The following KIAA0586 variants were observed in gnomAD, a reference collection of about 807,000 sequenced individuals.
KIAA0586 encodes the protein KIAA0586, also known as protein TALPID3.
A neutral mutation model predicts 169.8 loss-of-function variants in KIAA0586; 144 were observed. The ratio of observed to expected loss-of-function variants is 0.85; its 90% CI spans 0.74 to 0.97. The LOEUF (loss-of-function observed/expected upper bound fraction) is 0.97. Among genes scored for constraint, KIAA0586 ranks in the 50% least tolerant of loss-of-function variants. The probability of loss-of-function intolerance (pLI) is 0.00; values close to 1 mark genes in which losing one functional copy is unlikely to be tolerated. For synonymous variants in KIAA0586, 625 were observed against 612.4 expected (o/e 1.02, Z -0.30); for missense variants, 1,854 against 1,823.0 (o/e 1.02, Z -0.31).
At chr14:58,497,089 T>A (rs762376127) in intron 26 of KIAA0586, among the ~76,000 whole-genome samples, 21 of 151,764 alleles carry the variant, frequency 1.4e-4, no homozygotes, top group Non-Finnish European at 2.5e-4. Context: ...ATTCTTCTGC[T>A]TCAGCCTCTC....
chr14:58,461,271 A>G (rs1402654153), intron 14 of KIAA0586, 111 bp downstream of exon 14: 3 of 648,624 alleles, frequency 4.6e-6, no homozygotes, highest in African/African-American at 1.9e-5. Flanking sequence ...TTCAAGTTAT[A>G]TGATGCTTGG....
chr14:58,478,945 C>G (rs2041848987), intron 20 of KIAA0586, among the ~76,000 whole-genome samples: 1 of 152,142 alleles, frequency 6.6e-6, no homozygotes. Flanking sequence ...ATTTGTCAAT[C>G]CATTTACCAG....
intron 29 of KIAA0586, chr14:58,539,825 C>T (rs1024635771): frequency 1.7e-5 from 5 of 287,844 alleles, no homozygotes; most frequent in Non-Finnish European, 2.5e-5. Flanking sequence ...CCTTTGCTTC[C>T]CCCCCCCATC....
chr14:58,508,616 G>A lies in KIAA0586; in HGVS notation c.4230G>A (p.Leu1410=), dbSNP rs1364755506. 6.3e-7 allele frequency: 1 copy of A among 1,597,896 alleles called. No individual in the cohort carries two copies. Among genetic ancestry groups the A allele is most frequent in the Admixed American group, 1.7e-5 (1 of 57,886 alleles). The change falls in exon 28 of 31, where the codon TTG becomes TTA. Residue 1410 remains leucine, a synonymous_variant. Transcript: ENST00000652326. ...HGPMSLGELE[L]EPNSKLVLPT... ...CAATGAGTTTGGGAGAATTGGAGTT[G>A]GAGCCAAATTCTAAGCTGGTTCTTC... is the stretch of plus-strand genomic sequence containing the variant.
intron 30 of KIAA0586, among the ~76,000 whole-genome samples, chr14:58,546,280 C>T (rs1209049627): frequency 1.3e-5 from 2 of 152,038 alleles, no homozygotes; most frequent in Non-Finnish European, 2.9e-5. Flanking sequence ...AGGAGTGATA[C>T]AGTATTTAAA....
At chr14:58,483,806 C>T (rs183837647) in intron 21 of KIAA0586, among the ~76,000 whole-genome samples, 6 of 152,140 alleles carry the variant, frequency 3.9e-5, no homozygotes, top group Admixed American at 1.3e-4. Flanking sequence ...TCCTATAGAT[C>T]ACAAGGACAT....
intron 26 of KIAA0586, among the ~76,000 whole-genome samples, chr14:58,494,199 TTC>T (rs965911371): frequency 6.6e-6 from 1 of 151,978 alleles, no homozygotes; most frequent in African/African-American, 2.4e-5. Flanking sequence ...CCCTTAAATT[TTC>T]TGTCTTTCTT....
intron 29 of KIAA0586, among the ~76,000 whole-genome samples, chr14:58,519,652 A>T (rs566464896): frequency 3.3e-5 from 5 of 152,224 alleles, no homozygotes; most frequent in Admixed American, 1.3e-4. Flanking sequence ...TCCAGGACTG[A>T]TTATTTAATA....
At chr14:58,465,212 A>C (rs1380870183) in intron 14 of KIAA0586, among the ~76,000 whole-genome samples, 1 of 152,218 alleles carries the variant, frequency 6.6e-6, no homozygotes, top group Non-Finnish European at 1.5e-5. Context: ...CTGTATAATG[A>C]TATTAATTAG....
intron 10 of KIAA0586, among the ~76,000 whole-genome samples, chr14:58,457,554 C>A (rs2039974050): frequency 6.6e-6 from 1 of 152,214 alleles, no homozygotes; most frequent in Non-Finnish European, 1.5e-5. Flanking sequence ...AGGCGTGAGC[C>A]ACCATGCCTG....
chr14:58,510,075 A>G (rs1245855488), intron 28 of KIAA0586, among the ~76,000 whole-genome samples: 1 of 152,222 alleles, frequency 6.6e-6, no homozygotes, highest in Non-Finnish European at 1.5e-5. Flanking sequence ...AAATAAGCAC[A>G]TAAAAAGATT....
chr14:58,506,356 A>G (rs1255659168), intron 27 of KIAA0586, among the ~76,000 whole-genome samples: 1 of 152,172 alleles, frequency 6.6e-6, no homozygotes, highest in Non-Finnish European at 1.5e-5. Context: ...ATTGTTTTAT[A>G]CAGATTTAAT....
At chr14:58,440,641 G>A (rs2038252541) in intron 4 of KIAA0586, among the ~76,000 whole-genome samples, 1 of 152,170 alleles carries the variant, frequency 6.6e-6, no homozygotes, top group Non-Finnish European at 1.5e-5. Context: ...CTACCTGAGT[G>A]ATATTTGTTA....
chr14:58,448,361 C>G lies in KIAA0586; in HGVS notation c.829C>G (p.Leu277Val). The G allele has an allele frequency of 6.3e-7, 1 of 1,597,306 alleles. No homozygotes were observed. The highest frequency in any genetic ancestry group is 1.1e-5 in the South Asian group (1 of 89,780). Residue 277 changes from leucine to valine, a missense_variant, in exon 7 of 31, where the codon CTC becomes GTC. Transcript: ENST00000652326. ...CTAGACTCATTTTATTAGTGCTGCA[C>G]TCAAGACTAGTAGTTTTCAGCCTGT... ...DIQTHFISAA[L>V]KTSSFQPVSM...
chr14:58,494,748 G>T (rs1377394163), intron 26 of KIAA0586, among the ~76,000 whole-genome samples: 1 of 152,138 alleles, frequency 6.6e-6, no homozygotes, highest in Non-Finnish European at 1.5e-5. Flanking sequence ...GCTTGGAGGG[G>T]AAGAAGGTGA....
the KIAA0586 span, among the ~76,000 whole-genome samples, chr14:58,560,817 G>C: frequency 3.9e-5 from 6 of 152,098 alleles, no homozygotes; most frequent in Admixed American, 2.0e-4. Context: ...TCTCCTTTGG[G>C]AGCTAATTTT....
chr14:58,427,483 A>C, upstream of KIAA0586: 1 of 1,064,186 alleles, frequency 9.4e-7, no homozygotes, highest in Non-Finnish European at 1.4e-6. Flanking sequence ...GAGCTCTTCA[A>C]GTCTTGGATG....
intron 9 of KIAA0586, among the ~76,000 whole-genome samples, chr14:58,454,500 G>A (rs1436745415): frequency 1.3e-5 from 2 of 152,066 alleles, no homozygotes; most frequent in Non-Finnish European, 2.9e-5. Context: ...ATCTTTAACA[G>A]TACTCTATTT....
intron 29 of KIAA0586, among the ~76,000 whole-genome samples, chr14:58,514,336 T>C (rs1422785040): frequency 1.3e-5 from 2 of 152,072 alleles, no homozygotes; most frequent in African/African-American, 4.8e-5. Flanking sequence ...TTCAATCCTC[T>C]CATACATAGA....
Sources: gnomAD v4.1 joint callset for allele counts (sites outside exome capture counted in the v4.1 genomes callset) on GRCh38, gnomAD v4.1.1 for gene constraint, MANE v1.5 for transcripts, NCBI Gene and HGNC (gene_info 2026-07-23, HGNC 2026-07-21) for gene names.